Variants in JMJD1C observed in about 807,000 individuals in gnomAD.
The protein encoded by JMJD1C is jumonji domain-containing protein 1C.
Under a neutral mutation model 245.3 loss-of-function variants are expected in JMJD1C, and 31 were observed. That is an observed-to-expected ratio of 0.13 (90% CI 0.09 to 0.17). The LOEUF (loss-of-function observed/expected upper bound fraction) is 0.17, where lower values mean the gene tolerates loss of function less well. Ranked by LOEUF, JMJD1C falls within the 10% of genes least tolerant of loss-of-function variation. JMJD1C has a pLI of 1.00. For synonymous variants in JMJD1C, 1,057 were observed against 1,017.4 expected (o/e 1.04, Z -0.74); for missense variants, 2,691 against 3,000.2 (o/e 0.90, Z 2.41).
chr10:63,495,833 C>G (rs1954348227), intron 1 of JMJD1C, among the ~76,000 whole-genome samples: 1 of 150,832 alleles, frequency 6.6e-6, no homozygotes, highest in Admixed American at 6.6e-5. Context: ...TTAAAGTATA[C>G]CTCAGTGTAA....
chr10:63,220,706 C>T (rs968379375), intron 3 of JMJD1C, among the ~76,000 whole-genome samples: 6 of 152,214 alleles, frequency 3.9e-5, no homozygotes, highest in African/African-American at 1.4e-4. Context: ...CTCTCTCTCT[C>T]TCTCTCAAAG....
At chr10:63,225,544 G>A (rs979720192) in intron 3 of JMJD1C, among the ~76,000 whole-genome samples, 1 of 152,116 alleles carries the variant, frequency 6.6e-6, no homozygotes, top group Non-Finnish European at 1.5e-5. Context: ...AGCACTTTGG[G>A]AGGCCGAGGC....
chr10:63,465,327 G>C (rs898581622), intron 1 of JMJD1C, 168 bp downstream of exon 1: 8 of 698,630 alleles, frequency 1.1e-5, no homozygotes, highest in Non-Finnish European at 1.9e-5. Context: ...TCGGAGAGAC[G>C]CAGGGACCCA....
At chr10:63,334,111 G>C (rs547712019) in intron 2 of JMJD1C, among the ~76,000 whole-genome samples, 1 of 152,286 alleles carries the variant, frequency 6.6e-6, no homozygotes, top group South Asian at 2.1e-4. Context: ...GCTGACCCAA[G>C]AAGAGGTGGT....
chr10:63,436,334 T>C (rs1951057262), intron 1 of JMJD1C, among the ~76,000 whole-genome samples: 1 of 152,180 alleles, frequency 6.6e-6, no homozygotes, highest in South Asian at 2.1e-4. Flanking sequence ...CACAGTGAAG[T>C]AAACAATGAC....
At chr10:63,495,406 TA>T (rs75180911) in intron 1 of JMJD1C, among the ~76,000 whole-genome samples, 20,774 of 149,476 alleles carry the variant, frequency 0.14, 1,991 homozygotes, top group Admixed American at 0.29. Context: ...CAAGAATTCA[TA>T]AAAAAAAAAA....
intron 1 of JMJD1C, among the ~76,000 whole-genome samples, chr10:63,438,593 T>TC (rs1190246346): frequency 6.6e-6 from 1 of 152,114 alleles, no homozygotes; most frequent in African/African-American, 2.4e-5. Flanking sequence ...TCACAAACTA[T>TC]CCCCTGCCAT....
chr10:63,481,430 ATTTT>A (rs936701042), intron 1 of JMJD1C, among the ~76,000 whole-genome samples: 1 of 148,004 alleles, frequency 6.8e-6, no homozygotes, highest in Non-Finnish European at 1.5e-5. Context: ...TGAAAAACTG[ATTTT>A]TTTTTTTGCT....
chr10:63,338,681 T>G (rs2134214114), intron 2 of JMJD1C, among the ~76,000 whole-genome samples: 1 of 138,728 alleles, frequency 7.2e-6, no homozygotes, highest in East Asian at 2.3e-4. Flanking sequence ...AGAGTTTCGC[T>G]CTTGTTACCC....
intron 1 of JMJD1C, among the ~76,000 whole-genome samples, chr10:63,431,141 A>AT (rs1251934021): frequency 1.3e-5 from 2 of 152,208 alleles, no homozygotes; most frequent in Admixed American, 6.5e-5. Flanking sequence ...ATAACCAAGT[A>AT]TATCTACTGG....
intron 1 of JMJD1C, among the ~76,000 whole-genome samples, chr10:63,405,932 T>C (rs1432868366): frequency 3.3e-5 from 5 of 152,128 alleles, no homozygotes. Context: ...GAAACAAATA[T>C]GCATATATAC....
At chr10:63,386,675 G>C (rs1947620622) in intron 1 of JMJD1C, among the ~76,000 whole-genome samples, 1 of 152,188 alleles carries the variant, frequency 6.6e-6, no homozygotes, top group Admixed American at 6.5e-5. Context: ...CCTGGAGACT[G>C]ATTTAGTCAG....
chr10:63,305,385 A>C (rs1937932109), intron 2 of JMJD1C, among the ~76,000 whole-genome samples: 2 of 96,672 alleles, frequency 2.1e-5, no homozygotes, highest in Non-Finnish European at 2.9e-5. Flanking sequence ...AACAAAAAAC[A>C]AAAAAGGTTG....
chr10:63,263,683 G>A (rs1183110726), intron 3 of JMJD1C, among the ~76,000 whole-genome samples: 1 of 152,076 alleles, frequency 6.6e-6, no homozygotes, highest in Non-Finnish European at 1.5e-5. Flanking sequence ...TGTAATCCCA[G>A]CACTTTGGGA....
chr10:63,275,736 T>G (rs987846207), intron 2 of JMJD1C, among the ~76,000 whole-genome samples: 1 of 152,214 alleles, frequency 6.6e-6, no homozygotes, highest in Admixed American at 6.5e-5. Flanking sequence ...TTGAGAAAAT[T>G]TGTAAAATAA....
At chr10:63,313,178 T>A (rs1939466450) in intron 2 of JMJD1C, among the ~76,000 whole-genome samples, 1 of 152,210 alleles carries the variant, frequency 6.6e-6, no homozygotes, top group African/African-American at 2.4e-5. Context: ...AGCTCCCACT[T>A]ATGAAAGAGA....
At chr10:63,466,110 CAGCGGCCACTGGGTCCGTCCAGATCCAGA>C, upstream of JMJD1C, 1 of 188,022 alleles carries the variant, frequency 5.3e-6, no homozygotes, top group Non-Finnish European at 1.1e-5. Flanking sequence ...GCGGAGGCGG[CAGCGGCCACTGGGTCCGTCCAGATCCAGA>C]GGCGGCGGCG....
intron 10 of JMJD1C, 26 bp from the exon 11 acceptor site, chr10:63,200,703 G>T (rs771965949): frequency 6.3e-7 from 1 of 1,591,044 alleles, no homozygotes; most frequent in Admixed American, 1.7e-5. Flanking sequence ...GAAAGTTTTA[G>T]CAAGATTATG....
rs1211192417 is a variant in JMJD1C at position 63,206,588 on chromosome 10, G to C, written c.5074+7C>G. 6.4e-7 allele frequency: 1 copy of C among 1,566,068 alleles called. No individual in the cohort carries two copies. Among genetic ancestry groups the C allele is most frequent in the Non-Finnish European group, 8.6e-7 (1 of 1,160,076 alleles). On this transcript the variant is annotated splice_region_variant and intron_variant, in intron 10 of 25. Transcript: ENST00000399262. ...TTACCTGAGATAAAACAAAGTAACTGACTTACTATTACTGTTGCTTTGCAA... is the reference window on the plus strand; with the variant it reads ...TTACCTGAGATAAAACAAAGTAACTCACTTACTATTACTGTTGCTTTGCAA...
Sources: gnomAD v4.1 joint callset for allele counts (sites outside exome capture counted in the v4.1 genomes callset) on GRCh38, gnomAD v4.1.1 for gene constraint, MANE v1.5 for transcripts, NCBI Gene and HGNC (gene_info 2026-07-23, HGNC 2026-07-21) for gene names.